INTS1: variants seen among roughly 807,000 people sequenced by gnomAD.
INTS1 encodes integrator complex subunit 1.
Under a neutral mutation model 241.6 loss-of-function variants are expected in INTS1, and 137 were observed. The ratio of observed to expected loss-of-function variants is 0.57; its 90% CI spans 0.49 to 0.65. The LOEUF (loss-of-function observed/expected upper bound fraction) is 0.65. Ranked by LOEUF, INTS1 falls within the 30% of genes least tolerant of loss-of-function variation. The pLI is 0.00. For missense variants in INTS1, 3,073 were observed against 3,032.2 expected (o/e 1.01, Z -0.32); for synonymous variants, 1,692 against 1,337.8 (o/e 1.26, Z -5.78).
Position 1,479,548 on chromosome 7 carries a change from C to G in INTS1, c.4211G>C (p.Arg1404Pro). The stretch of plus-strand genomic sequence containing the variant: ...CAGGGTGGCGAGGGCCTGCAGGACA[C>G]GCACCGTGATGCCCGGCACCTCGGG... ...GSPEVPGITVRVLQALATLLS... is the reference protein window; with the variant it reads ...GSPEVPGITVPVLQALATLLS... Residue 1404 changes from arginine (R) to proline (P), a missense_variant, in exon 31 of 48, where the codon CGT becomes CCT. Coordinates refer to ENST00000404767, the MANE Select transcript of INTS1 (RefSeq NM_001080453.3). 2 of 1,556,956 alleles carry G rather than the reference C, an allele frequency of 1.3e-6. No homozygotes were observed. Among genetic ancestry groups the G allele is most frequent in the African/African-American group, 1.4e-5 (1 of 73,516 alleles).
Position 1,481,533 on chromosome 7 carries a change from T to A in INTS1, c.3704-45A>T. Reference sequence around the variant, plus strand: ...GTAACGCCACCCAAAACCCGGGCAATGCGCACTCGGGACCCCACCCGAGAC... The same window carrying A: ...GTAACGCCACCCAAAACCCGGGCAAAGCGCACTCGGGACCCCACCCGAGAC... On this transcript the variant is annotated intron_variant, in intron 27 of 47. Coordinates refer to ENST00000404767, the MANE Select transcript of INTS1 (RefSeq NM_001080453.3). This position sits in a 1 kb window ranked among gnomAD's most constrained non-coding sequence, Gnocchi z 6.8. 1.3e-6 allele frequency: 2 copies of A among 1,561,242 alleles called. No homozygotes were observed. Among genetic ancestry groups the A allele is most frequent in the African/African-American group, 2.7e-5 (2 of 74,274 alleles).
rs561692579 is a variant in INTS1 at position 1,483,898 on chromosome 7, T to C, written c.3430-45A>G. On this transcript the variant is annotated intron_variant, in intron 25 of 47. Coordinates refer to ENST00000404767, the MANE Select transcript of INTS1 (RefSeq NM_001080453.3). ...GTCAGGCCGTAAGGTTCAGGGACCCTGAGCCAGCGCCGAGGGTACCCAGCT... is the reference window on the plus strand; with the variant it reads ...GTCAGGCCGTAAGGTTCAGGGACCCCGAGCCAGCGCCGAGGGTACCCAGCT... The C allele has an allele frequency of 1.6e-5, 26 of 1,591,716 alleles. No homozygotes were observed. In the East Asian group the frequency reaches 5.4e-4, roughly 33 times the overall value.
At chr7:1,477,048 C>A in intron 35 of INTS1, 130 bp from the exon 36 acceptor site, 2 of 1,167,184 alleles carry the variant, frequency 1.7e-6, no homozygotes, top group Non-Finnish European at 2.4e-6. Context: ...TAACACCGGC[C>A]CCGTCATGGT....
chr7:1,496,086 A>G (rs1782837174), intron 12 of INTS1, 70 bp downstream of exon 12: 11 of 1,251,790 alleles, frequency 8.8e-6, no homozygotes, highest in Non-Finnish European at 1.2e-5. Flanking sequence ...GCAGCCTCGG[A>G]GAGCCGCCAG....
At chr7:1,479,002 G>T in intron 31 of INTS1, 117 bp from the exon 32 acceptor site, 1 of 1,202,942 alleles carries the variant, frequency 8.3e-7, no homozygotes, top group Non-Finnish European at 1.1e-6. Context: ...GGCACTTGGA[G>T]CCTGGGCCAA....
chr7:1,492,983 G>A (rs772884288), intron 16 of INTS1, 27 bp downstream of exon 16: 9 of 1,572,530 alleles, frequency 5.7e-6, no homozygotes, highest in Non-Finnish European at 6.1e-6. Context: ...TACCCGGGCG[G>A]GAGTGGGGAG....
At chr7:1,485,855 T>A (rs1218463623) in intron 22 of INTS1, among the ~76,000 whole-genome samples, 1 of 152,232 alleles carries the variant, frequency 6.6e-6, no homozygotes, top group South Asian at 2.1e-4. Context: ...TTGCCTAGGC[T>A]GGAGTGCAGT....
chr7:1,484,203 C>T (rs766423855), intron 24 of INTS1, 33 bp from the exon 25 acceptor site: 23 of 1,585,130 alleles, frequency 1.5e-5, no homozygotes, highest in East Asian at 2.3e-5. Context: ...TCAGAGGCTC[C>T]GAGACAGCTC....
In INTS1 at chr7:1,500,472, C is replaced by A. The variant is rs935050614; in HGVS notation, c.350-106G>T. ...GGAACCCAGAGCTCTCAGGGTCGGC[C>A]CTGCCAGGGACCAGCGATCCACCCT... On this transcript the variant is annotated intron_variant, in intron 3 of 47. Coordinates refer to ENST00000404767, the MANE Select transcript of INTS1 (RefSeq NM_001080453.3). 8 of 1,280,206 alleles carry A rather than the reference C, an allele frequency of 6.2e-6. 1 individual carries two copies. The South Asian group carries it at 1.1e-4, about 17-fold the overall frequency. The allele number at this position is 1,280,206 out of a possible 1,614,324, so 79.3% of individuals were successfully genotyped here.
In INTS1 at chr7:1,496,204, C is replaced by T. The variant is rs750595874; in HGVS notation, c.1663G>A (p.Ala555Thr). 6.2e-7 allele frequency: 1 copy of T among 1,613,888 alleles called. No homozygotes were observed. The highest frequency in any genetic ancestry group is 1.1e-5 in the South Asian group (1 of 91,090). ...LAVSMMLGIT[A>T]QVKEAGIAWD... Reference sequence around the variant, plus strand: ...GCGATGCCGGCCTCCTTCACCTGCGCTGTGATGCCCAGCATCATGGACACG... The same window carrying T: ...GCGATGCCGGCCTCCTTCACCTGCGTTGTGATGCCCAGCATCATGGACACG... The change falls in exon 12 of 48, where the codon GCG (alanine) becomes ACG (threonine). Residue 555 changes from alanine (A) to threonine (T), a missense_variant. Physicochemically the swap from Ala to Thr is moderately conservative, Grantham distance 58. Transcript: ENST00000404767.
In INTS1 at chr7:1,486,908, T is replaced by TGTGGGGGGGGGGGGGTGTGGGGG; in HGVS notation, c.2826+13_2826+14insCCCCCACACCCCCCCCCCCCCAC. ...GGTGAGAGGCGGGGGGGCTGAGGGG[T>TGTGGGGGGGGGGGGGTGTGGGGG]GGGCGGCCCTGACCTGCCGCTTCTT... On this transcript the variant is annotated intron_variant, in intron 21 of 47. Coordinates refer to ENST00000404767, the MANE Select transcript of INTS1 (RefSeq NM_001080453.3). The TGTGGGGGGGGGGGGGTGTGGGGG allele has an allele frequency of 9.8e-7, 1 of 1,016,290 alleles. No individual in the cohort carries two copies. The highest frequency in any genetic ancestry group is 3.9e-5 in the East Asian group (1 of 25,630). 63.0% of individuals were successfully genotyped at this position (1,016,290 alleles called of 1,614,324 possible). A position where few individuals can be genotyped will look rare whatever the true frequency, so the allele number is the denominator to read the frequency against.
chr7:1,498,445 G>T lies in INTS1; in HGVS notation c.1392C>A (p.Thr464=), dbSNP rs201662739. ...RNPNNMQVLY[T]ALQHSSELAP... is the part of the protein sequence containing the mutation. ...CCAGCTCTGAGCTGTGCTGCAGTGC[G>T]GTATAGAGGACCTGCATGTTGTTCG... The change falls in exon 10 of 48, where the codon ACC becomes ACA. Residue 464 remains threonine, a synonymous_variant. Transcript: ENST00000404767. 4 of 1,613,746 alleles carry T rather than the reference G, an allele frequency of 2.5e-6. No individual in the cohort carries two copies. The African/African-American group carries it at 5.3e-5, about 22-fold the overall frequency.
chr7:1,504,368 C>A lies in INTS1; in HGVS notation c.-87G>T, dbSNP rs760404456. 102 of 491,304 alleles carry A rather than the reference C, an allele frequency of 2.1e-4. No homozygotes were observed. The highest frequency in any genetic ancestry group is 4.0e-5 in the Non-Finnish European group (10 of 251,636). The allele number at this position is 491,304 out of a possible 1,614,324, so 30.4% of individuals were successfully genotyped here. ...AGCGCCGCCGCCGCCACCCGGCCAC[C>A]CCGGAATCGGAAACCGATCTCACCG... On this transcript the variant is annotated 5_prime_UTR_variant, in exon 1 of 48. Transcript: ENST00000404767.
intron 33 of INTS1, 66 bp downstream of exon 33, chr7:1,478,297 TAGA>T (rs1170312785): frequency 1.1e-5 from 17 of 1,556,040 alleles, no homozygotes; most frequent in Non-Finnish European, 1.5e-5. Context: ...ACTGGGCAGC[TAGA>T]AGGAGCCTCA....
rs1782723250 is a variant in INTS1, at chr7:1,493,971, G to A, written c.1911-60C>T. 2.0e-6 allele frequency: 3 copies of A among 1,505,620 alleles called. No individual in the cohort carries two copies. Among genetic ancestry groups the A allele is most frequent in the Admixed American group, 4.2e-5 (2 of 47,132 alleles). 93.3% of individuals were successfully genotyped at this position (1,505,620 alleles called of 1,614,324 possible). A position where few individuals can be genotyped will look rare whatever the true frequency, so the allele number is the denominator to read the frequency against. ...TGCCCACACCTGCCAGACCTGAGGG[G>A]CCGAGGACAGGCCAGCTTCTCCCTC... On this transcript the variant is annotated intron_variant, in intron 14 of 47. Coordinates refer to ENST00000404767, the MANE Select transcript of INTS1 (RefSeq NM_001080453.3). The surrounding 1 kb of genome is among the most constrained non-coding windows in gnomAD (Gnocchi z 5.3).
chr7:1,503,729 G>T (rs187598764), intron 2 of INTS1, among the ~76,000 whole-genome samples, 174 bp downstream of exon 2: 1 of 152,206 alleles, frequency 6.6e-6, no homozygotes, highest in Non-Finnish European at 1.5e-5. Context: ...AAGCCTCCCA[G>T]GGACTCTCAG....
At position 1,477,619 on chromosome 7, in the gene INTS1, T is replaced by C. The variant is rs2128534309; in HGVS notation, c.4869A>G (p.Glu1623=). The C allele has an allele frequency of 6.3e-7, 1 of 1,582,232 alleles. No homozygotes were observed. The highest frequency in any genetic ancestry group is 1.3e-5 in the African/African-American group (1 of 74,280). ...TGCTGACCACCTCGGGGTCCAGCAT[T>C]TCCAGCCAGTCCACTAGGAGGCCTG... The part of the protein sequence containing the change: ...PSSGLLVDWL[E]MLDPEVVSSC... Residue 1623 remains glutamate (E), a synonymous_variant, in exon 35 of 48, where the codon GAA becomes GAG. Coordinates refer to ENST00000404767, the MANE Select transcript of INTS1 (RefSeq NM_001080453.3).
intron 18 of INTS1, among the ~76,000 whole-genome samples, 198 bp downstream of exon 18, chr7:1,489,146 C>G (rs943174354): frequency 6.6e-6 from 1 of 152,226 alleles, no homozygotes; most frequent in Admixed American, 6.5e-5. Context: ...CAATCCACAC[C>G]CCCTCTCCCG....
rs1054423355 is a variant in INTS1, at chr7:1,486,674, A to C, written c.2927T>G (p.Leu976Trp). Residue 976 changes from leucine (L) to tryptophan (W), a missense_variant, in exon 22 of 48, where the codon TTG (leucine) becomes TGG (tryptophan). By Grantham distance (61) the Leu-to-Trp change is moderately conservative. Transcript: ENST00000404767. ...QTTCEVLDYF[L>W]RRLGSSQVAS... Reference sequence around the variant, plus strand: ...CACCTGGGAGGAGCCGAGGCGCCGCAAGAAGTAGTCCAGCACCTCACACGT... The same window carrying C: ...CACCTGGGAGGAGCCGAGGCGCCGCCAGAAGTAGTCCAGCACCTCACACGT... The C allele has an allele frequency of 1.2e-6, 2 of 1,612,284 alleles. No individual in the cohort carries two copies. Among genetic ancestry groups the C allele is most frequent in the Non-Finnish European group, 1.7e-6 (2 of 1,179,706 alleles).
Sources: gnomAD v4.1 joint callset for allele counts (sites outside exome capture counted in the v4.1 genomes callset) on GRCh38, gnomAD v4.1.1 for gene constraint, Gnocchi (gnomAD v3.1) non-coding constraint, MANE v1.5 for transcripts, NCBI Gene and HGNC (gene_info 2026-07-23, HGNC 2026-07-21) for gene names.